MTMR10: variants seen among roughly 807,000 people sequenced by gnomAD.
MTMR10 encodes the protein myotubularin related protein 10.
MTMR10 carries 56 observed loss-of-function variants against 88.1 expected under a neutral mutation model. That is an observed-to-expected ratio of 0.64 (90% CI 0.51 to 0.79). The LOEUF (loss-of-function observed/expected upper bound fraction) is 0.79, where lower values mean the gene tolerates loss of function less well. MTMR10 is among the 30% of genes least tolerant of loss of function. The pLI, the probability that MTMR10 is intolerant of heterozygous loss-of-function variation, is 0.00. For synonymous variants in MTMR10, 380 were observed against 340.9 expected (o/e 1.11, Z -1.26); for missense variants, 883 against 924.7 (o/e 0.95, Z 0.58).
At chr15:30,961,219 C>CTT in intron 6 of MTMR10, 146 bp from the exon 7 acceptor site, 1 of 1,171,414 alleles carries the variant, frequency 8.5e-7, no homozygotes, top group Non-Finnish European at 1.1e-6. Flanking sequence ...CTGTCTTGCC[C>CTT]TTTCCATTTA....
At chr15:30,924,715 T>C in the MTMR10 span, among the ~76,000 whole-genome samples, 1 of 152,190 alleles carries the variant, frequency 6.6e-6, no homozygotes, top group Admixed American at 6.5e-5. Flanking sequence ...CCCCCATGCG[T>C]GGGCTCCTGC....
intron 9 of MTMR10, 91 bp downstream of exon 9, chr15:30,958,772 T>C: frequency 7.7e-7 from 1 of 1,304,100 alleles, no homozygotes; most frequent in Non-Finnish European, 1.1e-6. Context: ...AGTAAGACTA[T>C]GCATTTTGTT....
chr15:30,982,077 AAAAAG>A (rs772761803), intron 2 of MTMR10, among the ~76,000 whole-genome samples: 1 of 149,042 alleles, frequency 6.7e-6, no homozygotes, highest in South Asian at 2.1e-4. Flanking sequence ...TCTCAAAAAA[AAAAAG>A]AAAAGAAAAA....
chr15:30,983,037 AG>A (rs2030687605), intron 2 of MTMR10, among the ~76,000 whole-genome samples: 1 of 152,218 alleles, frequency 6.6e-6, no homozygotes, highest in Non-Finnish European at 1.5e-5. Context: ...AAAGCTTCAA[AG>A]CTCTAGAGGT....
At chr15:30,965,520 G>A (rs569634144) in intron 6 of MTMR10, among the ~76,000 whole-genome samples, 1 of 152,120 alleles carries the variant, frequency 6.6e-6, no homozygotes, top group South Asian at 2.1e-4. Flanking sequence ...CTTTTTTGAC[G>A]TTATTTGCCC....
chr15:30,991,156 C>G, intron 1 of MTMR10: 2 of 482,556 alleles, frequency 4.1e-6, no homozygotes, highest in Non-Finnish European at 7.2e-6. Context: ...GGGTTGGAAA[C>G]TAAAGAAAAC....
At chr15:30,977,188 A>AC (rs1463903921) in intron 2 of MTMR10, among the ~76,000 whole-genome samples, 1 of 152,168 alleles carries the variant, frequency 6.6e-6, no homozygotes, top group Non-Finnish European at 1.5e-5. Flanking sequence ...AGCTGGTTGA[A>AC]CCAGAAAGGC....
chr15:30,929,739 T>TCA, the MTMR10 span, among the ~76,000 whole-genome samples: 3 of 32,882 alleles, frequency 9.1e-5, no homozygotes, highest in South Asian at 8.6e-4. Flanking sequence ...ATATAATATA[T>TCA]TATATCATAT....
chr15:30,925,967 A>G, the MTMR10 span: 1 of 1,611,778 alleles, frequency 6.2e-7, no homozygotes, highest in Non-Finnish European at 8.5e-7. Flanking sequence ...CTCTTGTGGC[A>G]CCCAGCCCCG....
At chr15:30,989,039 G>A (rs1220540861) in intron 2 of MTMR10, among the ~76,000 whole-genome samples, 2 of 149,230 alleles carry the variant, frequency 1.3e-5, no homozygotes, top group Non-Finnish European at 3.0e-5. Flanking sequence ...TAAAAAGCAA[G>A]CACTGACATT....
chr15:30,934,787 C>T (rs111470935), downstream of MTMR10, among the ~76,000 whole-genome samples: 362 of 152,286 alleles, frequency 2.4e-3, 1 homozygote, highest in African/African-American at 8.3e-3. Flanking sequence ...TAAACTTATC[C>T]ACCTTCAGGT....
the MTMR10 span, chr15:30,922,196 T>G: frequency 3.8e-6 from 6 of 1,591,844 alleles, no homozygotes; most frequent in South Asian, 2.3e-5. Flanking sequence ...CTGGATTTTT[T>G]GTGAATCTAA....
intron 7 of MTMR10, among the ~76,000 whole-genome samples, chr15:30,960,337 G>A (rs576639640): frequency 3.3e-5 from 5 of 152,276 alleles, no homozygotes; most frequent in African/African-American, 1.2e-4. Context: ...ACCACCTAAT[G>A]AAACATTCTT....
intron 5 of MTMR10, 108 bp downstream of exon 5, chr15:30,974,206 T>C: frequency 3.8e-6 from 4 of 1,058,794 alleles, no homozygotes; most frequent in East Asian, 3.1e-5. Flanking sequence ...GTCTGATAAC[T>C]TCCCCTAAAA....
downstream of MTMR10, chr15:30,937,040 C>A: frequency 1.7e-6 from 2 of 1,156,182 alleles, no homozygotes; most frequent in South Asian, 1.4e-5. Context: ...AAATAGTTGT[C>A]AGTGACAACT....
chr15:30,944,467 G>A (rs2063137753), intron 14 of MTMR10, among the ~76,000 whole-genome samples: 1 of 151,670 alleles, frequency 6.6e-6, no homozygotes, highest in South Asian at 2.1e-4. Flanking sequence ...TCGGGAGGCT[G>A]TGGCAGGAGA....
At chr15:30,989,316 C>T (rs1447455774) in intron 2 of MTMR10, among the ~76,000 whole-genome samples, 4 of 152,136 alleles carry the variant, frequency 2.6e-5, no homozygotes, top group Non-Finnish European at 4.4e-5. Context: ...AATTAGTACA[C>T]ACTGTTGAGT....
the MTMR10 span, chr15:30,930,515 G>A: frequency 1.8e-5 from 28 of 1,568,292 alleles, no homozygotes; most frequent in African/African-American, 3.5e-4. Flanking sequence ...CGAGGGAAGT[G>A]GCTAACTGTC....
chr15:30,963,406 G>A (rs917642177), intron 6 of MTMR10, among the ~76,000 whole-genome samples: 12 of 152,088 alleles, frequency 7.9e-5, no homozygotes, highest in African/African-American at 1.9e-4. Context: ...CGAGGTGGGC[G>A]GATCACAAGG....
Sources: gnomAD v4.1 joint callset for allele counts (sites outside exome capture counted in the v4.1 genomes callset) on GRCh38, gnomAD v4.1.1 for gene constraint, MANE v1.5 for transcripts, NCBI Gene and HGNC (gene_info 2026-07-23, HGNC 2026-07-21) for gene names.